The following SPAG16 variants were observed in gnomAD, a reference collection of about 807,000 sequenced individuals.
SPAG16 encodes the protein sperm associated antigen 16.
Under a neutral mutation model 80.4 loss-of-function variants are expected in SPAG16, and 86 were observed. The ratio of observed to expected loss-of-function variants is 1.07; its 90% CI spans 0.90 to 1.28. The LOEUF (loss-of-function observed/expected upper bound fraction) is 1.28, where lower values mean the gene tolerates loss of function less well. SPAG16 is among the 50% of genes most tolerant of loss of function. SPAG16 has a pLI of 0.00. For missense variants in SPAG16, 870 were observed against 765.3 expected, an observed-to-expected ratio of 1.14 and a Z score of -1.61; for synonymous variants, 294 against 265.9, an observed-to-expected ratio of 1.11 and a Z score of -1.03.
chr2:213,883,892 C>T (rs2076450699), intron 11 of SPAG16, among the ~76,000 whole-genome samples: 1 of 152,110 alleles, frequency 6.6e-6, no homozygotes, highest in African/African-American at 2.4e-5. Context: ...TTACTTTGAG[C>T]CTGAGTCCTT....
At chr2:213,573,226 C>T (rs773882317) in intron 10 of SPAG16, among the ~76,000 whole-genome samples, 3 of 151,866 alleles carry the variant, frequency 2.0e-5, no homozygotes, top group Admixed American at 1.3e-4. Context: ...AGCTGTAGAC[C>T]GGAGCTGTTC....
intron 10 of SPAG16, among the ~76,000 whole-genome samples, chr2:213,757,153 AAACTT>A (rs1252677959): frequency 6.6e-6 from 1 of 152,216 alleles, no homozygotes; most frequent in Admixed American, 6.5e-5. Flanking sequence ...ATAGAAATAT[AAACTT>A]AACAGGAGAC....
chr2:213,549,569 A>G (rs2076723531), intron 10 of SPAG16, among the ~76,000 whole-genome samples: 1 of 152,158 alleles, frequency 6.6e-6, no homozygotes, highest in Non-Finnish European at 1.5e-5. Context: ...TATCTTAGAC[A>G]AAATTGCCAT....
chr2:213,773,621 C>G (rs116562920), intron 10 of SPAG16, among the ~76,000 whole-genome samples: 1,735 of 152,206 alleles, frequency 0.011, 14 homozygotes, highest in Non-Finnish European at 0.013. Flanking sequence ...GTGGCATGAT[C>G]TCGGCTTACT....
At chr2:214,104,398 G>A (rs1046500597) in intron 13 of SPAG16, among the ~76,000 whole-genome samples, 2 of 152,022 alleles carry the variant, frequency 1.3e-5, no homozygotes, top group African/African-American at 2.4e-5. Context: ...CTCTAGTGGC[G>A]GTGAAGGGGA....
At chr2:213,406,823 T>A (rs2068629029) in intron 9 of SPAG16, among the ~76,000 whole-genome samples, 1 of 151,682 alleles carries the variant, frequency 6.6e-6, no homozygotes, top group Admixed American at 6.6e-5. Context: ...TCCAGGACGG[T>A]CTCTCCTCTC....
chr2:213,375,179 T>C (rs2066825245), intron 9 of SPAG16, 60 bp downstream of exon 9: 2 of 1,167,222 alleles, frequency 1.7e-6, no homozygotes, highest in African/African-American at 1.6e-5. Flanking sequence ...TTTAGATCCA[T>C]TCACTCATAT....
intron 8 of SPAG16, among the ~76,000 whole-genome samples, chr2:213,366,777 A>G (rs994391901): frequency 2.0e-5 from 3 of 152,080 alleles, no homozygotes; most frequent in African/African-American, 7.2e-5. Context: ...TGGTTTTTAC[A>G]TGCAATAGAA....
chr2:213,703,874 C>G (rs2065618941), intron 10 of SPAG16, among the ~76,000 whole-genome samples: 1 of 152,226 alleles, frequency 6.6e-6, no homozygotes, highest in African/African-American at 2.4e-5. Flanking sequence ...GATCCTCCTA[C>G]CCAATCCTGC....
At chr2:213,344,554 G>A (rs1470973819) in intron 6 of SPAG16, among the ~76,000 whole-genome samples, 10 of 151,938 alleles carry the variant, frequency 6.6e-5, no homozygotes, top group African/African-American at 1.5e-4. Context: ...AACAGGCCCC[G>A]GTATGTGATG....
chr2:213,588,427 C>T (rs1176921797), intron 10 of SPAG16, among the ~76,000 whole-genome samples: 7 of 151,150 alleles, frequency 4.6e-5, no homozygotes, highest in African/African-American at 7.3e-5. Flanking sequence ...TTAAGGAAAA[C>T]ACTAACCACC....
intron 13 of SPAG16, among the ~76,000 whole-genome samples, chr2:214,074,342 T>A (rs2050956735): frequency 6.6e-6 from 1 of 152,212 alleles, no homozygotes; most frequent in Non-Finnish European, 1.5e-5. Context: ...ATAGGATCAA[T>A]TTCATATTCA....
chr2:213,820,501 A>C (rs1350914331), intron 10 of SPAG16, among the ~76,000 whole-genome samples: 1 of 152,172 alleles, frequency 6.6e-6, no homozygotes, highest in African/African-American at 2.4e-5. Context: ...ATGCTTAAAA[A>C]GTGCTTTTTC....
intron 7 of SPAG16, among the ~76,000 whole-genome samples, chr2:213,354,633 A>G (rs1411892891): frequency 1.3e-5 from 2 of 152,308 alleles, no homozygotes; most frequent in Admixed American, 1.3e-4. Flanking sequence ...TTCTCTGATG[A>G]CCAATGATGA....
In SPAG16 at chr2:214,341,342, C is replaced by A. The variant is rs555293627; in HGVS notation, c.1721-68798C>A. On this transcript the variant is annotated intron_variant, in intron 15 of 15. Coordinates refer to ENST00000331683, the MANE Select transcript of SPAG16 (RefSeq NM_024532.5). ...AAAAATTAAAAGAGAGGGAGGATAG[C>A]AAATAAATGATAAAAGAAAATTCCT... is the stretch of plus-strand genomic sequence containing the variant. 4.8e-3 allele frequency among the ~76,000 whole-genome samples: 726 copies of A among 152,136 alleles called. 6 individuals carry two copies. The highest frequency in any genetic ancestry group is 0.017 in the African/African-American group (703 of 41,532).
intron 13 of SPAG16, among the ~76,000 whole-genome samples, chr2:214,073,444 C>G (rs1327785105): frequency 2.0e-5 from 3 of 151,852 alleles, no homozygotes; most frequent in Non-Finnish European, 4.4e-5. Context: ...ACCATGTTGG[C>G]CAGGATGGTC....
intron 10 of SPAG16, among the ~76,000 whole-genome samples, chr2:213,537,284 C>T (rs974261424): frequency 1.2e-4 from 18 of 151,748 alleles, no homozygotes; most frequent in African/African-American, 3.9e-4. Flanking sequence ...TCACATTGTG[C>T]ACATGTACCC....
chr2:213,849,318 C>T (rs1467966812), intron 10 of SPAG16, among the ~76,000 whole-genome samples: 3 of 152,122 alleles, frequency 2.0e-5, no homozygotes, highest in Non-Finnish European at 4.4e-5. Flanking sequence ...GGATCCACCC[C>T]CATGGCCCAA....
At chr2:213,694,261 G>A (rs1361682311) in intron 10 of SPAG16, among the ~76,000 whole-genome samples, 1 of 152,120 alleles carries the variant, frequency 6.6e-6, no homozygotes, top group Admixed American at 6.6e-5. Flanking sequence ...GGACAAAATA[G>A]AAACTTCAAA....
Sources: allele counts gnomAD v4.1 joint callset (sites outside exome capture counted in the v4.1 genomes callset), GRCh38; gene constraint gnomAD v4.1.1; transcripts MANE v1.5; gene names NCBI Gene and HGNC (gene_info 2026-07-23, HGNC 2026-07-21).